The following MGST1 variants were observed in gnomAD, a reference collection of about 807,000 sequenced individuals.
MGST1 encodes the protein microsomal glutathione S-transferase 1.
A neutral mutation model predicts 8.9 loss-of-function variants in MGST1; 5 were observed. That is an observed-to-expected ratio of 0.56 (90% CI 0.29 to 1.19). MGST1 has a LOEUF of 1.19. Ranked by LOEUF, MGST1 falls within the 50% of genes most tolerant of loss-of-function variation. MGST1 has a pLI of 0.08. For missense variants in MGST1, 182 were observed against 187.4 expected, an observed-to-expected ratio of 0.97 and a Z score of 0.17; for synonymous variants, 54 against 67.8, an observed-to-expected ratio of 0.80 and a Z score of 1.00.
rs1417793721 is a variant in MGST1 at position 16,513,685 on chromosome 12, C to T, written n.483-75843C>T. ...CGAGGACTACCTCTCCATTGGGCGG[C>T]TGGCTGAATTTTGCAAGGCATCTGC... On this transcript the variant is annotated intron_variant and non_coding_transcript_variant, in intron 4 of 4. Coordinates refer to the MGST1 transcript ENST00000538857. The surrounding 1 kb of genome is among the most constrained non-coding windows in gnomAD (Gnocchi z 4.2). The T allele has an allele frequency of 5.8e-5, 31 of 533,138 alleles. No individual in the cohort carries two copies. Among genetic ancestry groups the T allele is most frequent in the Middle Eastern group, 5.6e-4 (1 of 1,776 alleles). The allele number at this position is 533,138 out of a possible 1,614,324, so 33.0% of individuals were successfully genotyped here. A position where few individuals can be genotyped will look rare whatever the true frequency, so the allele number is the denominator to read the frequency against.
At chr12:16,387,349 A>G (rs1391296925) in intron 1 of MGST1, among the ~76,000 whole-genome samples, 1 of 152,064 alleles carries the variant, frequency 6.6e-6, no homozygotes, top group African/African-American at 2.4e-5. Flanking sequence ...AGTGCAAAGC[A>G]TTACTCCCCT....
chr12:16,478,017 C>T (rs1188060221), intron 4 of MGST1, among the ~76,000 whole-genome samples: 3 of 152,082 alleles, frequency 2.0e-5, no homozygotes, highest in Non-Finnish European at 4.4e-5. Context: ...CAGGCTTTAG[C>T]CTTTCTCTGT....
At chr12:16,495,149 A>G (rs1941461981) in intron 4 of MGST1, among the ~76,000 whole-genome samples, 1 of 152,130 alleles carries the variant, frequency 6.6e-6, no homozygotes, top group Non-Finnish European at 1.5e-5. Context: ...ACCTCCATTC[A>G]TCTTTTGAAA....
Position 16,555,116 on chromosome 12 carries a change from A to C in MGST1, n.483-34412A>C. On this transcript the variant is annotated intron_variant and non_coding_transcript_variant, in intron 4 of 4. Coordinates refer to the MGST1 transcript ENST00000538857. This position sits in a 1 kb window ranked among gnomAD's most constrained non-coding sequence, Gnocchi z 5.5. ...TATTAAACGAATGAGTACATGTAAA[A>C]CACTCAGAACGGTGTTTGGTGTTTG... is the stretch of plus-strand genomic sequence containing the variant. Among the ~76,000 whole-genome samples the C allele has an allele frequency of 6.6e-6, 1 of 152,252 alleles. No individual in the cohort carries two copies. Among genetic ancestry groups the C allele is most frequent in the Non-Finnish European group, 1.5e-5 (1 of 68,048 alleles).
In MGST1 at chr12:16,503,375, A is replaced by T. The variant is rs961294308; in HGVS notation, n.483-86153A>T. Reference sequence around the variant, plus strand: ...TCCTTTCTTTTATGTTTTATTTCCAATATTTGTTCTCTTACCCCAGGCTTG... The same window carrying T: ...TCCTTTCTTTTATGTTTTATTTCCATTATTTGTTCTCTTACCCCAGGCTTG... On this transcript the variant is annotated intron_variant and non_coding_transcript_variant, in intron 4 of 4. Coordinates refer to the MGST1 transcript ENST00000538857. This position sits in a 1 kb window ranked among gnomAD's most constrained non-coding sequence, Gnocchi z 4.8. Among the ~76,000 whole-genome samples the T allele has an allele frequency of 6.6e-6, 1 of 151,968 alleles. No individual in the cohort carries two copies. Among genetic ancestry groups the T allele is most frequent in the African/African-American group, 2.4e-5 (1 of 41,362 alleles).
At chr12:16,479,036 A>G (rs1941345405) in intron 4 of MGST1, among the ~76,000 whole-genome samples, 1 of 152,052 alleles carries the variant, frequency 6.6e-6, no homozygotes, top group African/African-American at 2.4e-5. Flanking sequence ...TGGGTATTTC[A>G]TATAAATGAA....
At chr12:16,356,307 A>G (rs1464224827) in intron 2 of MGST1, among the ~76,000 whole-genome samples, 1 of 152,150 alleles carries the variant, frequency 6.6e-6, no homozygotes, top group Non-Finnish European at 1.5e-5. Context: ...ATTGTAATAC[A>G]TTTATTTCTT....
chr12:16,550,922 A>G (rs1371856434), intron 4 of MGST1: 5 of 258,358 alleles, frequency 1.9e-5, no homozygotes, highest in African/African-American at 4.4e-5. Context: ...AAATATTACA[A>G]TACATTATAT....
chr12:16,395,678 T>G (rs960573676), intron 1 of MGST1, among the ~76,000 whole-genome samples: 1 of 151,586 alleles, frequency 6.6e-6, no homozygotes, highest in African/African-American at 2.4e-5. Flanking sequence ...TATTTGGTTT[T>G]CCATTCCCGA....
At chr12:16,379,534 C>T (rs1461611145), downstream of MGST1, among the ~76,000 whole-genome samples, 3 of 152,174 alleles carry the variant, frequency 2.0e-5, no homozygotes, top group Non-Finnish European at 4.4e-5. Flanking sequence ...TGATGTGCTG[C>T]TGGATTCTGT....
Position 16,560,603 on chromosome 12 carries a change from A to AGAT in MGST1, n.483-28920_483-28918dup. The AGAT allele has an allele frequency of 4.2e-6, 6 of 1,439,230 alleles. No homozygotes were observed. The highest frequency in any genetic ancestry group is 5.8e-6 in the Non-Finnish European group (6 of 1,037,018). The allele number at this position is 1,439,230 out of a possible 1,614,324, so 89.2% of individuals were successfully genotyped here. A position where few individuals can be genotyped will look rare whatever the true frequency, so the allele number is the denominator to read the frequency against. ...CAGAGAAATCTGAGATCGTGAAGAG[A>AGAT]GATGATGTTAATATACTCTGTAAAG... On this transcript the variant is annotated intron_variant and non_coding_transcript_variant, in intron 4 of 4. Transcript: ENST00000538857. The surrounding 1 kb of genome is among the most constrained non-coding windows in gnomAD (Gnocchi z 5.0).
At chr12:16,462,466 A>G (rs1941227847) in intron 4 of MGST1, among the ~76,000 whole-genome samples, 1 of 152,146 alleles carries the variant, frequency 6.6e-6, no homozygotes, top group African/African-American at 2.4e-5. Flanking sequence ...TAGTACATCA[A>G]TGAACTCTAA....
intron 4 of MGST1, among the ~76,000 whole-genome samples, chr12:16,518,695 A>T (rs1045499872): frequency 6.6e-6 from 1 of 152,160 alleles, no homozygotes; most frequent in Admixed American, 6.5e-5. Flanking sequence ...TAAGCTTCCC[A>T]TACTAGAGAA....
Position 16,517,492 on chromosome 12 carries a change from C to T in MGST1, n.483-72036C>T, listed in dbSNP as rs1941622213. On this transcript the variant is annotated intron_variant and non_coding_transcript_variant, in intron 4 of 4. Coordinates refer to the MGST1 transcript ENST00000538857. This position sits in a 1 kb window ranked among gnomAD's most constrained non-coding sequence, Gnocchi z 4.2. ...GGATCCTTGATCTTGGACTTGCCAGCCTCCAAAATCATGAGCCAAATAAAA... is the reference window on the plus strand; with the variant it reads ...GGATCCTTGATCTTGGACTTGCCAGTCTCCAAAATCATGAGCCAAATAAAA... Among the ~76,000 whole-genome samples the T allele has an allele frequency of 6.6e-6, 1 of 152,152 alleles. No homozygotes were observed. The highest frequency in any genetic ancestry group is 2.4e-5 in the African/African-American group (1 of 41,416).
intron 4 of MGST1, among the ~76,000 whole-genome samples, chr12:16,499,551 T>C (rs1941491745): frequency 6.6e-6 from 1 of 152,140 alleles, no homozygotes; most frequent in South Asian, 2.1e-4. Context: ...CTTCTTCTCA[T>C]TTCAGTGGGT....
chr12:16,428,898 A>G (rs1940915565), intron 1 of MGST1, among the ~76,000 whole-genome samples: 1 of 152,046 alleles, frequency 6.6e-6, no homozygotes, highest in Non-Finnish European at 1.5e-5. Context: ...TTTCTATACC[A>G]TCATTTAAAC....
chr12:16,415,658 A>C (rs1361336959), intron 1 of MGST1, among the ~76,000 whole-genome samples: 1 of 152,210 alleles, frequency 6.6e-6, no homozygotes, highest in African/African-American at 2.4e-5. Flanking sequence ...GTATAACACA[A>C]AAAATATGTG....
In MGST1 at chr12:16,469,009, T is replaced by C. The variant is rs904152717; in HGVS notation, n.482+85405T>C. On this transcript the variant is annotated intron_variant and non_coding_transcript_variant, in intron 4 of 4. Coordinates refer to the MGST1 transcript ENST00000538857. ...GTAGACAGACAAGGTAGAAGGAATT[T>C]AGATGGAGCAAAATTATTTATGTGT... Among the ~76,000 whole-genome samples the C allele has an allele frequency of 3.0e-4, 45 of 152,272 alleles. 1 individual carries two copies. The highest frequency in any genetic ancestry group is 1.1e-3 in the African/African-American group (44 of 41,550).
chr12:16,491,136 T>C lies in MGST1; in HGVS notation n.483-98392T>C, dbSNP rs146412431. ...AAGCTCAGCTAGGGGTATAATTATT[T>C]TGAAAGGCAGCAGAAAGAAAAATCA... is the stretch of plus-strand genomic sequence containing the variant. On this transcript the variant is annotated intron_variant and non_coding_transcript_variant, in intron 4 of 4. Transcript: ENST00000538857. Among the ~76,000 whole-genome samples, 293 of 152,310 alleles carry C rather than the reference T, an allele frequency of 1.9e-3. 1 individual carries two copies. Among genetic ancestry groups the C allele is most frequent in the Middle Eastern group, 0.01 (3 of 294 alleles).
Sources: gnomAD v4.1 joint callset for allele counts (sites outside exome capture counted in the v4.1 genomes callset) on GRCh38, gnomAD v4.1.1 for gene constraint, Gnocchi (gnomAD v3.1) non-coding constraint, MANE v1.5 for transcripts, NCBI Gene and HGNC (gene_info 2026-07-23, HGNC 2026-07-21) for gene names.